PDE4D: variants seen among roughly 807,000 people sequenced by gnomAD.
PDE4D encodes the protein 3',5'-cyclic-AMP phosphodiesterase 4D.
Under a neutral mutation model 87.4 loss-of-function variants are expected in PDE4D, and 24 were observed. The observed-to-expected ratio is 0.27, with a 90% CI of 0.20 to 0.39. PDE4D has a LOEUF of 0.39. Among genes scored for constraint, PDE4D ranks in the 10% least tolerant of loss-of-function variants. The pLI, the probability that PDE4D is intolerant of heterozygous loss-of-function variation, is 1.00. For synonymous variants in PDE4D, 384 were observed against 383.2 expected (o/e 1.00, Z -0.02); for missense variants, 714 against 1,041.0 (o/e 0.69, Z 4.32).
At chr5:59,083,493 C>A (rs1767133319) in intron 5 of PDE4D, among the ~76,000 whole-genome samples, 7 of 151,864 alleles carry the variant, frequency 4.6e-5, no homozygotes, top group Admixed American at 4.6e-4. Context: ...TATTTTATAT[C>A]CTTGGCTTTT....
At chr5:59,961,086 T>A (rs1000874868) in intron 3 of PDE4D, among the ~76,000 whole-genome samples, 15 of 152,044 alleles carry the variant, frequency 9.9e-5, no homozygotes, top group African/African-American at 3.6e-4. Context: ...AAATTGTAAC[T>A]TCTGTAGTGA....
chr5:60,366,950 G>A (rs1162709526), intron 1 of PDE4D, among the ~76,000 whole-genome samples: 3 of 152,070 alleles, frequency 2.0e-5, no homozygotes, highest in Admixed American at 1.3e-4. Flanking sequence ...TTTTGAAAAA[G>A]GGAAATAAGT....
intron 2 of PDE4D, among the ~76,000 whole-genome samples, chr5:60,171,372 G>T (rs1783414058): frequency 6.6e-6 from 1 of 151,996 alleles, no homozygotes. Context: ...GAAGGCTGTT[G>T]TGCGTTTTCA....
At chr5:59,545,617 C>A (rs761575121) in intron 1 of PDE4D, among the ~76,000 whole-genome samples, 18 of 152,206 alleles carry the variant, frequency 1.2e-4, no homozygotes, top group African/African-American at 4.3e-4. Context: ...GATATGTGGG[C>A]TTTTCACCTA....
At chr5:59,962,949 A>G (rs1195802439) in intron 3 of PDE4D, among the ~76,000 whole-genome samples, 2 of 152,200 alleles carry the variant, frequency 1.3e-5, no homozygotes, top group Non-Finnish European at 2.9e-5. Flanking sequence ...CCCAGGTTCC[A>G]GCTGCTCTGT....
At chr5:60,291,194 C>G (rs1397253124) in intron 1 of PDE4D, among the ~76,000 whole-genome samples, 1 of 152,144 alleles carries the variant, frequency 6.6e-6, no homozygotes, top group African/African-American at 2.4e-5. Flanking sequence ...AATATTGGTT[C>G]CAATCTTGGA....
intron 11 of PDE4D, among the ~76,000 whole-genome samples, chr5:58,980,331 T>A (rs1387873508): frequency 2.6e-5 from 4 of 152,150 alleles, no homozygotes; most frequent in Non-Finnish European, 5.9e-5. Context: ...GGGCCAGCAC[T>A]TAAAACCAGG....
At chr5:59,892,026 A>C (rs965280218) in intron 1 of PDE4D, among the ~76,000 whole-genome samples, 1 of 152,052 alleles carries the variant, frequency 6.6e-6, no homozygotes, top group African/African-American at 2.4e-5. Flanking sequence ...CCTCTACTTT[A>C]CTATTAGATG....
chr5:59,145,822 A>G (rs1778556166), intron 5 of PDE4D, among the ~76,000 whole-genome samples: 1 of 152,172 alleles, frequency 6.6e-6, no homozygotes, highest in Non-Finnish European at 1.5e-5. Flanking sequence ...GATAAGTTCA[A>G]TAGGTTTAAA....
At chr5:60,016,806 G>T (rs566647132) in intron 2 of PDE4D, among the ~76,000 whole-genome samples, 1 of 152,282 alleles carries the variant, frequency 6.6e-6, no homozygotes, top group African/African-American at 2.4e-5. Flanking sequence ...GTCATCATGA[G>T]GGTTAGCATC....
intron 1 of PDE4D, among the ~76,000 whole-genome samples, chr5:60,269,993 G>C (rs1235873610): frequency 6.6e-6 from 1 of 152,178 alleles, no homozygotes; most frequent in Non-Finnish European, 1.5e-5. Flanking sequence ...CCAGGGGAGA[G>C]ACAGTGAGAC....
At chr5:59,479,671 T>C (rs868036688) in intron 1 of PDE4D, among the ~76,000 whole-genome samples, 1 of 152,114 alleles carries the variant, frequency 6.6e-6, no homozygotes, top group Non-Finnish European at 1.5e-5. Context: ...CAGGATTTTG[T>C]GAAACTTTTG....
chr5:60,044,395 G>C (rs1460716141), intron 2 of PDE4D, among the ~76,000 whole-genome samples: 1 of 151,606 alleles, frequency 6.6e-6, no homozygotes, highest in African/African-American at 2.4e-5. Context: ...TTAAGTTTTA[G>C]GGTACATGTG....
intron 2 of PDE4D, among the ~76,000 whole-genome samples, chr5:60,128,383 G>C (rs1374786856): frequency 6.6e-6 from 1 of 152,108 alleles, no homozygotes; most frequent in African/African-American, 2.4e-5. Context: ...TTCTTCCCTG[G>C]GCCCATAGCT....
intron 1 of PDE4D, among the ~76,000 whole-genome samples, chr5:59,888,925 A>T (rs569455978): frequency 5.8e-4 from 89 of 152,190 alleles, no homozygotes; most frequent in African/African-American, 1.9e-3. Context: ...TATGATGTTA[A>T]CATATTTAAA....
At chr5:59,486,399 C>T (rs1419281904) in intron 1 of PDE4D, among the ~76,000 whole-genome samples, 1 of 152,168 alleles carries the variant, frequency 6.6e-6, no homozygotes, top group African/African-American at 2.4e-5. Flanking sequence ...ACCATCTTAA[C>T]TACTCCTGCT....
chr5:59,575,618 T>A (rs1322049254), intron 1 of PDE4D, among the ~76,000 whole-genome samples: 3 of 152,158 alleles, frequency 2.0e-5, no homozygotes, highest in Non-Finnish European at 2.9e-5. Context: ...ACAATTTTTA[T>A]AGAAACAGTA....
chr5:59,528,150 T>C (rs1813499771), intron 1 of PDE4D, among the ~76,000 whole-genome samples: 1 of 152,172 alleles, frequency 6.6e-6, no homozygotes. Flanking sequence ...TTAAGTGACA[T>C]AGTGCATACA....
At chr5:59,342,255 C>G (rs371036986) in intron 1 of PDE4D, among the ~76,000 whole-genome samples, 4 of 152,120 alleles carry the variant, frequency 2.6e-5, no homozygotes, top group East Asian at 1.9e-4. Flanking sequence ...CTTAGCATAA[C>G]CTCTCATTTT....
Sources: allele counts gnomAD v4.1 joint callset (sites outside exome capture counted in the v4.1 genomes callset), GRCh38; gene constraint gnomAD v4.1.1; transcripts MANE v1.5; gene names NCBI Gene and HGNC (gene_info 2026-07-23, HGNC 2026-07-21).